Variants in RELL2 observed in about 807,000 individuals in gnomAD.
RELL2 encodes the protein RELT like 2.
Under a neutral mutation model 27.5 loss-of-function variants are expected in RELL2, and 18 were observed. That is an observed-to-expected ratio of 0.65 (90% CI 0.45 to 0.97). The LOEUF (loss-of-function observed/expected upper bound fraction) is 0.97. Among genes scored for constraint, RELL2 ranks in the 50% least tolerant of loss-of-function variants. The pLI, the probability that RELL2 is intolerant of heterozygous loss-of-function variation, is 0.00. For synonymous variants in RELL2, 156 were observed against 147.5 expected, an observed-to-expected ratio of 1.06 and a Z score of -0.42; for missense variants, 370 against 397.5, an observed-to-expected ratio of 0.93 and a Z score of 0.59.
rs2099906235 is a variant in RELL2, at chr5:141,637,513, C to G, written c.-713C>G. 1 of 152,464 alleles carries G rather than the reference C, an allele frequency of 6.6e-6. No homozygotes were observed. The highest frequency in any genetic ancestry group is 1.5e-5 in the Non-Finnish European group (1 of 68,220). 9.4% of individuals were successfully genotyped at this position (152,464 alleles called of 1,614,324 possible). A position where few individuals can be genotyped will look rare whatever the true frequency, so the allele number is the denominator to read the frequency against. ...TCCCTGACCCAGGGCCGGAGTTGCC[C>G]GGAGCCTGCCACCGCTCTCAGCCAG... is the stretch of plus-strand genomic sequence containing the variant. On this transcript the variant is annotated 5_prime_UTR_variant, in exon 1 of 7. Transcript: ENST00000297164.
chr5:141,640,259 T>C lies in RELL2; in HGVS notation c.843T>C (p.Asn281=), dbSNP rs748779251. 1.9e-6 allele frequency: 3 copies of C among 1,613,964 alleles called. No individual in the cohort carries two copies. The highest frequency in any genetic ancestry group is 1.1e-5 in the South Asian group (1 of 91,078). ...PSPGLPTQEA[N]GQPSKPDTSD... ...CAGGGCTGCCCACTCAAGAGGCAAA[T>C]GGGCAGCCAAGCAAACCAGACACTT... Residue 281 remains asparagine, a synonymous_variant, in exon 5 of 7, where the codon AAT becomes AAC. Transcript: ENST00000297164.
rs747885904 is a variant in RELL2 at position 141,638,399 on chromosome 5, G to C, written c.174G>C (p.Gln58His). The change falls in exon 1 of 7, where the codon CAG (glutamine) becomes CAC (histidine). Residue 58 changes from glutamine to histidine, a missense_variant. Physicochemically the swap from Gln to His is conservative, Grantham distance 24. Transcript: ENST00000297164. ...GGGGCTCTGAGCCTGACGATGCCCA[G>C]CTTCAGCCCCGTGAGTGAGGAGCCT... ...TSRGSEPDDA[Q>H]LQPPEDDDMN... 3.5e-5 allele frequency: 56 copies of C among 1,609,922 alleles called. No individual in the cohort carries two copies. Among genetic ancestry groups the C allele is most frequent in the Non-Finnish European group, 4.7e-5 (56 of 1,179,156 alleles).
chr5:141,639,793 G>C lies in RELL2; in HGVS notation c.504-127G>C, dbSNP rs2099906620. On this transcript the variant is annotated intron_variant, in intron 4 of 6. Coordinates refer to ENST00000297164, the MANE Select transcript of RELL2 (RefSeq NM_173828.5). This position sits in a 1 kb window ranked among gnomAD's most constrained non-coding sequence, Gnocchi z 4.4. Reference sequence around the variant, plus strand: ...GGCTACACAATGTGCCCCACAATCTGAGAAGGCCTCCCCTACCTTAGGCCA... The same window carrying C: ...GGCTACACAATGTGCCCCACAATCTCAGAAGGCCTCCCCTACCTTAGGCCA... 2 of 1,294,026 alleles carry C rather than the reference G, an allele frequency of 1.5e-6. No homozygotes were observed. The highest frequency in any genetic ancestry group is 1.5e-5 in the African/African-American group (1 of 67,972). The allele number at this position is 1,294,026 out of a possible 1,614,324, so 80.2% of individuals were successfully genotyped here.
chr5:141,638,342 CAAG>C lies in RELL2; in HGVS notation c.124_126del (p.Lys42del), dbSNP rs2099906396. On this transcript the variant is annotated inframe_deletion, in exon 1 of 7. Coordinates refer to ENST00000297164, the MANE Select transcript of RELL2 (RefSeq NM_173828.5). Reference sequence around the variant, plus strand: ...TAGGCTTCATGATCTGCCACGTGCTCAAGAAGAAGGGCTACCGCTGCCGCACGT... The same window carrying C: ...TAGGCTTCATGATCTGCCACGTGCTCAAGAAGGGCTACCGCTGCCGCACGT... 2.5e-6 allele frequency: 4 copies of C among 1,613,974 alleles called. No individual in the cohort carries two copies. Among genetic ancestry groups the C allele is most frequent in the Non-Finnish European group, 3.4e-6 (4 of 1,180,006 alleles).
rs1478484169 is a variant in RELL2 at position 141,640,249 on chromosome 5, A to G, written c.833A>G (p.Gln278Arg). ...GGCCCAAGCCCAGGGCTGCCCACTCAAGAGGCAAATGGGCAGCCAAGCAAA... is the reference window on the plus strand; with the variant it reads ...GGCCCAAGCCCAGGGCTGCCCACTCGAGAGGCAAATGGGCAGCCAAGCAAA... ...GRGPSPGLPT[Q>R]EANGQPSKPD... The change falls in exon 5 of 7, where the codon CAA becomes CGA. Residue 278 changes from glutamine to arginine, a missense_variant. Coordinates refer to ENST00000297164, the MANE Select transcript of RELL2 (RefSeq NM_173828.5). The G allele has an allele frequency of 6.2e-7, 1 of 1,614,064 alleles. No homozygotes were observed. Among genetic ancestry groups the G allele is most frequent in the African/African-American group, 1.3e-5 (1 of 75,050 alleles).
rs1010964258 is a variant in RELL2 at position 141,637,942 on chromosome 5, G to C, written c.-284G>C. On this transcript the variant is annotated 5_prime_UTR_variant, in exon 1 of 7. Coordinates refer to ENST00000297164, the MANE Select transcript of RELL2 (RefSeq NM_173828.5). ...TGCAGTGTCCTTGGGAGGGACAGAA[G>C]CGCGAACAAGCTGGAAAGGGGAACG... 27 of 387,088 alleles carry C rather than the reference G, an allele frequency of 7.0e-5. No homozygotes were observed. The highest frequency in any genetic ancestry group is 5.5e-4 in the African/African-American group (27 of 49,112). 24.0% of individuals were successfully genotyped at this position (387,088 alleles called of 1,614,324 possible).
In RELL2 at chr5:141,637,582, G is replaced by T. The variant is rs1226462939; in HGVS notation, c.-644G>T. 1 of 152,730 alleles carries T rather than the reference G, an allele frequency of 6.5e-6. No individual in the cohort carries two copies. Among genetic ancestry groups the T allele is most frequent in the African/African-American group, 2.4e-5 (1 of 41,474 alleles). 9.5% of individuals were successfully genotyped at this position (152,730 alleles called of 1,614,324 possible). On this transcript the variant is annotated 5_prime_UTR_variant, in exon 1 of 7. Transcript: ENST00000297164. ...CTTCCCTCCCCCCGCCTGCCACGGC[G>T]CGGGTATCCGCAGCCACAGCCCGGG...
rs1319919938 is a variant in RELL2 at position 141,639,176 on chromosome 5, G to A, written c.317+155G>A. On this transcript the variant is annotated intron_variant, in intron 3 of 6. Transcript: ENST00000297164. The surrounding 1 kb of genome is among the most constrained non-coding windows in gnomAD (Gnocchi z 4.4). ...AAGAAAGTTGTTTTGTAGAAATCGC[G>A]ATTCCTTCAAACCATCTCTCTCATC... 3 of 664,028 alleles carry A rather than the reference G, an allele frequency of 4.5e-6. No homozygotes were observed. The highest frequency in any genetic ancestry group is 3.9e-5 in the South Asian group (2 of 51,894). The allele number at this position is 664,028 out of a possible 1,614,324, so 41.1% of individuals were successfully genotyped here.
intron 1 of RELL2, 85 bp downstream of exon 1, chr5:141,638,494 C>G: frequency 7.6e-7 from 1 of 1,316,818 alleles, no homozygotes. Context: ...AGACCCAGGC[C>G]AAATCCTGAT....
At position 141,640,399 on chromosome 5, in the gene RELL2, C is replaced by T; in HGVS notation, c.880-13C>T. On this transcript the variant is annotated splice_polypyrimidine_tract_variant and intron_variant, in intron 5 of 6. Coordinates refer to ENST00000297164, the MANE Select transcript of RELL2 (RefSeq NM_173828.5). ...CCTGGTCTCTCATTGTTGACCCCTC[C>T]CCTTTCTCTCAGGTGTCTCTACCAC... is the stretch of plus-strand genomic sequence containing the variant. The T allele has an allele frequency of 2.5e-6, 4 of 1,614,188 alleles. No homozygotes were observed. The highest frequency in any genetic ancestry group is 2.5e-6 in the Non-Finnish European group (3 of 1,180,012).
Position 141,638,800 on chromosome 5 carries a change from G to A in RELL2, c.190G>A (p.Asp64Asn). The A allele has an allele frequency of 6.2e-7, 1 of 1,614,004 alleles. No individual in the cohort carries two copies. Among genetic ancestry groups the A allele is most frequent in the Non-Finnish European group, 8.5e-7 (1 of 1,179,850 alleles). ...PDDAQLQPPE[D>N]DDMNEDTVER... is the part of the protein sequence containing the mutation. ...CAATCTCTTTCATCCTTCAGCTGAG[G>A]ACGATGACATGAATGAGGACACAGT... The change falls in exon 2 of 7, where the codon GAC becomes AAC. Residue 64 changes from aspartate (D) to asparagine (N), a missense_variant. Transcript: ENST00000297164.
chr5:141,638,196 C>G lies in RELL2; in HGVS notation c.-30C>G. Reference sequence around the variant, plus strand: ...TGCAGCCCCCTAAACCCAGGAGGCGCCCTGGCCCGCGCTCGCCCCCCAGGG... The same window carrying G: ...TGCAGCCCCCTAAACCCAGGAGGCGGCCTGGCCCGCGCTCGCCCCCCAGGG... On this transcript the variant is annotated 5_prime_UTR_variant, in exon 1 of 7. Transcript: ENST00000297164. The G allele has an allele frequency of 6.3e-7, 1 of 1,586,732 alleles. No homozygotes were observed. The highest frequency in any genetic ancestry group is 2.2e-5 in the East Asian group (1 of 44,676).
chr5:141,638,718 A>G, intron 1 of RELL2, 77 bp from the exon 2 acceptor site: 3 of 1,261,972 alleles, frequency 2.4e-6, no homozygotes, highest in South Asian at 2.4e-5. Context: ...TAAGCAATAA[A>G]TGATGGGAGC....
Position 141,639,845 on chromosome 5 carries a change from T to C in RELL2, c.504-75T>C. On this transcript the variant is annotated intron_variant, in intron 4 of 6. Coordinates refer to ENST00000297164, the MANE Select transcript of RELL2 (RefSeq NM_173828.5). The surrounding 1 kb of genome is among the most constrained non-coding windows in gnomAD (Gnocchi z 4.4). ...AGGGAAGTAGCCACCAAACTCAGGA[T>C]GTCCCTGGTCAGAGGGGAGGGCCAA... 6.6e-7 allele frequency: 1 copy of C among 1,510,036 alleles called. No individual in the cohort carries two copies. Among genetic ancestry groups the C allele is most frequent in the Non-Finnish European group, 9.2e-7 (1 of 1,091,504 alleles). The allele number at this position is 1,510,036 out of a possible 1,614,324, so 93.5% of individuals were successfully genotyped here.
In RELL2 at chr5:141,640,883, C is replaced by T. The variant is rs570976701; in HGVS notation, c.*214C>T. On this transcript the variant is annotated 3_prime_UTR_variant, in exon 7 of 7. Transcript: ENST00000297164. ...CCTGCCTGCAACAGGCTGCCTGCCCCGCCTTCCCCAACACCTCGCTCCATA... is the reference window on the plus strand; with the variant it reads ...CCTGCCTGCAACAGGCTGCCTGCCCTGCCTTCCCCAACACCTCGCTCCATA... The T allele has an allele frequency of 1.7e-5, 10 of 585,358 alleles. No homozygotes were observed. The highest frequency in any genetic ancestry group is 4.4e-5 in the South Asian group (2 of 45,318). 36.3% of individuals were successfully genotyped at this position (585,358 alleles called of 1,614,324 possible).
chr5:141,639,689 G>T lies in RELL2; in HGVS notation c.503+40G>T, dbSNP rs1427368785. On this transcript the variant is annotated intron_variant, in intron 4 of 6. Transcript: ENST00000297164. This position sits in a 1 kb window ranked among gnomAD's most constrained non-coding sequence, Gnocchi z 4.4. The stretch of plus-strand genomic sequence containing the variant: ...CCAGGGAAAGGGGGGCTGAGGTAGG[G>T]GGCCCAGTGATCAGGCACCTGATCC... The T allele has an allele frequency of 4.5e-6, 7 of 1,555,986 alleles. No individual in the cohort carries two copies. Among genetic ancestry groups the T allele is most frequent in the East Asian group, 2.3e-5 (1 of 44,328 alleles).
In RELL2 at chr5:141,637,985, G is replaced by A; in HGVS notation, c.-241G>A. On this transcript the variant is annotated 5_prime_UTR_variant, in exon 1 of 7. Coordinates refer to ENST00000297164, the MANE Select transcript of RELL2 (RefSeq NM_173828.5). ...GGGGAACGCTCGGGGCGTCGGGGAA[G>A]CGGGACCAGGGTCGTGGTAGAGAGC... The A allele has an allele frequency of 2.2e-6, 1 of 455,166 alleles. No homozygotes were observed. Among genetic ancestry groups the A allele is most frequent in the Non-Finnish European group, 3.9e-6 (1 of 253,860 alleles). 28.2% of individuals were successfully genotyped at this position (455,166 alleles called of 1,614,324 possible). A position where few individuals can be genotyped will look rare whatever the true frequency, so the allele number is the denominator to read the frequency against.
At chr5:141,638,446 T>C in intron 1 of RELL2, 37 bp downstream of exon 1, 2 of 1,565,170 alleles carry the variant, frequency 1.3e-6, no homozygotes, top group African/African-American at 1.4e-5. Flanking sequence ...TCAGTCACCT[T>C]TCACCCTTCT....
At position 141,639,596 on chromosome 5, in the gene RELL2, G is replaced by A. The variant is rs201219952; in HGVS notation, c.450G>A (p.Lys150=). 2 of 1,613,880 alleles carry A rather than the reference G, an allele frequency of 1.2e-6. No homozygotes were observed. The highest frequency in any genetic ancestry group is 3.3e-5 in the Admixed American group (2 of 60,010). Residue 150 remains lysine (K), a synonymous_variant, in exon 4 of 7, where the codon AAG becomes AAA. Transcript: ENST00000297164. The surrounding 1 kb of genome is among the most constrained non-coding windows in gnomAD (Gnocchi z 4.4). ...CACTTGTCCGTCAGGGACGCTCCAA[G>A]GAAGGAAAAAGCCGCCCCCGGACAG... ...RPPLVRQGRS[K]EGKSRPRTGE... is the part of the protein sequence containing the mutation.
Sources: gnomAD v4.1 joint callset for allele counts on GRCh38, gnomAD v4.1.1 for gene constraint, Gnocchi (gnomAD v3.1) non-coding constraint, MANE v1.5 for transcripts, NCBI Gene and HGNC (gene_info 2026-07-23, HGNC 2026-07-21) for gene names.